The following PLD5 variants were observed in gnomAD, a reference collection of about 807,000 sequenced individuals.
The protein encoded by PLD5 is inactive phospholipase D5.
A neutral mutation model predicts 61.1 loss-of-function variants in PLD5; 36 were observed. That is an observed-to-expected ratio of 0.59 (90% CI 0.45 to 0.78). The LOEUF (loss-of-function observed/expected upper bound fraction) is 0.78, where lower values mean the gene tolerates loss of function less well. Among genes scored for constraint, PLD5 ranks in the 30% least tolerant of loss-of-function variants. The pLI, the probability that PLD5 is intolerant of heterozygous loss-of-function variation, is 0.00. For synonymous variants in PLD5, 243 were observed against 242.8 expected (o/e 1.00, Z -0.01); for missense variants, 515 against 644.4 (o/e 0.80, Z 2.17).
chr1:242,306,623 A>T (rs1338520072), intron 2 of PLD5, among the ~76,000 whole-genome samples: 1 of 152,176 alleles, frequency 6.6e-6, no homozygotes, highest in Non-Finnish European at 1.5e-5. Flanking sequence ...AACATACAAA[A>T]TTAAAATTTG....
At chr1:242,444,002 A>T (rs958810356) in intron 1 of PLD5, among the ~76,000 whole-genome samples, 8 of 152,174 alleles carry the variant, frequency 5.3e-5, no homozygotes, top group Non-Finnish European at 1.0e-4. Context: ...AGCATCCATC[A>T]TGAATCATCA....
upstream of PLD5, among the ~76,000 whole-genome samples, chr1:242,529,366 G>T (rs1187421086): frequency 2.6e-5 from 4 of 152,082 alleles, 1 homozygote; most frequent in Non-Finnish European, 5.9e-5. Context: ...GATTCTCATT[G>T]TTTGACCACC....
intron 2 of PLD5, among the ~76,000 whole-genome samples, chr1:242,320,433 G>T (rs1470257598): frequency 1.6e-4 from 24 of 152,196 alleles, no homozygotes; most frequent in Admixed American, 3.9e-4. Context: ...CTTCAGGAAA[G>T]GGGGTGCTGA....
intron 4 of PLD5, among the ~76,000 whole-genome samples, chr1:242,227,250 A>G (rs2149028047): frequency 6.6e-6 from 1 of 152,104 alleles, no homozygotes. Context: ...TGGTCTCCCT[A>G]TATTGCTCAG....
chr1:242,445,829 C>T (rs1666511332), intron 1 of PLD5, among the ~76,000 whole-genome samples: 1 of 147,352 alleles, frequency 6.8e-6, no homozygotes, highest in South Asian at 2.1e-4. Context: ...TTCCACATTT[C>T]ACCTCCAATC....
intron 5 of PLD5, among the ~76,000 whole-genome samples, chr1:242,193,523 A>G (rs1668415836): frequency 6.6e-6 from 1 of 152,218 alleles, no homozygotes; most frequent in Non-Finnish European, 1.5e-5. Flanking sequence ...GGGGGCTGCT[A>G]CTTCACAGTT....
chr1:242,127,714 T>A (rs1201647419), intron 5 of PLD5, among the ~76,000 whole-genome samples: 1 of 152,134 alleles, frequency 6.6e-6, no homozygotes, highest in Non-Finnish European at 1.5e-5. Flanking sequence ...CAATGTACAC[T>A]GCTTGGGTGA....
chr1:242,246,381 T>C (rs1485595662), intron 4 of PLD5, among the ~76,000 whole-genome samples: 1 of 151,514 alleles, frequency 6.6e-6, no homozygotes, highest in East Asian at 1.9e-4. Context: ...AATAAATAAA[T>C]AACTCACAGA....
chr1:242,428,314 T>G (rs1665541981), intron 1 of PLD5, among the ~76,000 whole-genome samples: 1 of 152,196 alleles, frequency 6.6e-6, no homozygotes, highest in Non-Finnish European at 1.5e-5. Flanking sequence ...ATAATCCAAT[T>G]GTAGAGTCTC....
At chr1:242,416,898 T>C (rs1664861203) in intron 1 of PLD5, among the ~76,000 whole-genome samples, 1 of 152,210 alleles carries the variant, frequency 6.6e-6, no homozygotes, top group Admixed American at 6.5e-5. Flanking sequence ...CTTTCATCCA[T>C]TCAGTAAACA....
At chr1:242,393,592 G>C (rs1663104915) in intron 1 of PLD5, among the ~76,000 whole-genome samples, 1 of 94,690 alleles carries the variant, frequency 1.1e-5, no homozygotes. Flanking sequence ...GTATACATAT[G>C]TGTATATATA....
At chr1:242,268,161 T>C (rs190591434) in intron 3 of PLD5, among the ~76,000 whole-genome samples, 9 of 152,242 alleles carry the variant, frequency 5.9e-5, no homozygotes, top group African/African-American at 9.6e-5. Context: ...GCTTTGGCAC[T>C]CCTCCAAGGA....
intron 1 of PLD5, among the ~76,000 whole-genome samples, chr1:242,416,520 G>A (rs1403321941): frequency 1.3e-5 from 2 of 152,024 alleles, no homozygotes; most frequent in Admixed American, 6.6e-5. Flanking sequence ...ATAATCAGTA[G>A]TTTTGGAGCT....
intron 2 of PLD5, among the ~76,000 whole-genome samples, chr1:242,300,040 C>T (rs1286167701): frequency 6.6e-6 from 1 of 152,206 alleles, no homozygotes; most frequent in Non-Finnish European, 1.5e-5. Flanking sequence ...GAAAAGGTTG[C>T]TTCTTTAGAA....
At chr1:242,370,341 G>C (rs578197831) in intron 1 of PLD5, among the ~76,000 whole-genome samples, 2 of 152,140 alleles carry the variant, frequency 1.3e-5, no homozygotes, top group Non-Finnish European at 2.9e-5. Context: ...GATGCACTGC[G>C]CTTATAATAC....
chr1:242,363,187 C>T (rs1473905513), intron 1 of PLD5, among the ~76,000 whole-genome samples: 6 of 152,102 alleles, frequency 3.9e-5, no homozygotes, highest in African/African-American at 1.2e-4. Flanking sequence ...ATGGAATAAT[C>T]GCCAACCCAC....
chr1:242,259,641 C>T (rs1221663131), intron 4 of PLD5, among the ~76,000 whole-genome samples: 1 of 151,476 alleles, frequency 6.6e-6, no homozygotes, highest in East Asian at 1.9e-4. Flanking sequence ...TTCTATGACA[C>T]TTATTTCACT....
intron 1 of PLD5, among the ~76,000 whole-genome samples, chr1:242,461,985 C>T (rs535049891): frequency 1.3e-5 from 2 of 152,264 alleles, no homozygotes; most frequent in Admixed American, 6.5e-5. Context: ...TTGTTAAATG[C>T]ATAGTTTACA....
At chr1:242,124,298 TG>T (rs1485252729) in intron 6 of PLD5, 169 bp downstream of exon 6, 10 of 579,014 alleles carry the variant, frequency 1.7e-5, no homozygotes, top group Non-Finnish European at 3.0e-5. Context: ...TTATTATATT[TG>T]AGGGTATGAT....
Sources: allele counts gnomAD v4.1 joint callset (sites outside exome capture counted in the v4.1 genomes callset), GRCh38; gene constraint gnomAD v4.1.1; transcripts MANE v1.5; gene names NCBI Gene and HGNC (gene_info 2026-07-23, HGNC 2026-07-21).